Variants in MAP3K3 observed in about 807,000 individuals in gnomAD.
The protein encoded by MAP3K3 is MAP/ERK kinase kinase 3.
Under a neutral mutation model 80.9 loss-of-function variants are expected in MAP3K3, and 12 were observed. The observed-to-expected ratio is 0.15, with a 90% CI of 0.10 to 0.24. The LOEUF is 0.24. Ranked by LOEUF, MAP3K3 falls within the 10% of genes least tolerant of loss-of-function variation. The probability of loss-of-function intolerance (pLI) is 1.00; values close to 1 mark genes in which losing one functional copy is unlikely to be tolerated. For missense variants in MAP3K3, 596 were observed against 834.7 expected (o/e 0.71, Z 3.52); for synonymous variants, 272 against 307.1 (o/e 0.89, Z 1.19).
At chr17:63,662,830 G>A (rs2034921974) in intron 5 of MAP3K3, among the ~76,000 whole-genome samples, 1 of 143,654 alleles carries the variant, frequency 7.0e-6, no homozygotes, top group Non-Finnish European at 1.5e-5. Context: ...GTTAATTTTT[G>A]TATTTTTAGT....
chr17:63,640,628 T>C (rs1178139921), intron 2 of MAP3K3, among the ~76,000 whole-genome samples: 4 of 152,230 alleles, frequency 2.6e-5, no homozygotes, highest in Non-Finnish European at 5.9e-5. Flanking sequence ...ATATTCATAC[T>C]TTTCATTGCA....
Position 63,690,374 on chromosome 17 carries a change from C to A in MAP3K3, c.1174C>A (p.Gln392Lys). Reference protein sequence around the residue: ...VDTGRELASKQVQFDPDSPET... With the variant: ...VDTGRELASKKVQFDPDSPET... ...CACGGGACGTGAACTTGCTTCCAAG[C>A]AGGTCCAATTTGATCCAGACAGTCC... The change falls in exon 12 of 16, where the codon CAG becomes AAG. Residue 392 changes from glutamine to lysine, a missense_variant. Gln to Lys is a moderately conservative substitution (Grantham distance 53). Coordinates refer to ENST00000361733, the MANE Select transcript of MAP3K3 (RefSeq NM_002401.5). The A allele has an allele frequency of 6.2e-7, 1 of 1,614,212 alleles. No individual in the cohort carries two copies. The highest frequency in any genetic ancestry group is 8.5e-7 in the Non-Finnish European group (1 of 1,180,030).
chr17:63,686,014 C>G (rs2035441025), intron 8 of MAP3K3, among the ~76,000 whole-genome samples: 1 of 152,116 alleles, frequency 6.6e-6, no homozygotes, highest in African/African-American at 2.4e-5. Flanking sequence ...AACCCAAAAA[C>G]AGAATATCCA....
At chr17:63,677,958 A>G (rs927761651) in intron 6 of MAP3K3, among the ~76,000 whole-genome samples, 1 of 152,194 alleles carries the variant, frequency 6.6e-6, no homozygotes, top group African/African-American at 2.4e-5. Context: ...TCCATCCTCC[A>G]TAGGGATTAC....
chr17:63,675,388 A>T (rs982688072), intron 6 of MAP3K3, among the ~76,000 whole-genome samples: 4 of 152,192 alleles, frequency 2.6e-5, no homozygotes, highest in African/African-American at 9.7e-5. Context: ...ATTAACACTG[A>T]CCCAAAGCCC....
chr17:63,650,658 T>TAGAGAGAGAGAGAGAGAGAG (rs61412799), intron 3 of MAP3K3, among the ~76,000 whole-genome samples: 97 of 117,272 alleles, frequency 8.3e-4, no homozygotes, highest in African/African-American at 3.2e-3. Context: ...CTGTCTCTTA[T>TAGAGAGAGAGAGAGAGAGAG]AGAGAGAGAG....
intron 4 of MAP3K3, among the ~76,000 whole-genome samples, chr17:63,655,037 A>T (rs1053583251): frequency 2.0e-4 from 30 of 148,548 alleles, no homozygotes; most frequent in African/African-American, 7.1e-4. Context: ...AAAAACGATT[A>T]AAAAAAATTA....
chr17:63,636,904 C>T (rs1568125076), intron 2 of MAP3K3: 1 of 481,232 alleles, frequency 2.1e-6, no homozygotes, highest in Non-Finnish European at 3.9e-6. Context: ...CAATATAGCC[C>T]AATTGGAGGC....
intron 2 of MAP3K3, among the ~76,000 whole-genome samples, chr17:63,641,797 C>G (rs2034448656): frequency 6.6e-6 from 1 of 151,708 alleles, no homozygotes; most frequent in Admixed American, 6.6e-5. Flanking sequence ...AGGAGAAAGC[C>G]AGAAGTCAGA....
intron 1 of MAP3K3, among the ~76,000 whole-genome samples, chr17:63,623,560 T>C (rs2034039481): frequency 6.6e-6 from 1 of 152,252 alleles, no homozygotes; most frequent in African/African-American, 2.4e-5. Flanking sequence ...TTGTCAGTAT[T>C]TACAATTTCT....
chr17:63,637,928 G>GC (rs1353544546), intron 2 of MAP3K3, among the ~76,000 whole-genome samples: 1 of 152,170 alleles, frequency 6.6e-6, no homozygotes, highest in East Asian at 1.9e-4. Flanking sequence ...CACAAGCAGG[G>GC]CAGGGCCTTG....
At chr17:63,633,258 T>G (rs2034255643) in intron 2 of MAP3K3, among the ~76,000 whole-genome samples, 1 of 151,906 alleles carries the variant, frequency 6.6e-6, no homozygotes, top group Admixed American at 6.6e-5. Flanking sequence ...ATATATGCCA[T>G]GCAGTTATGG....
At chr17:63,677,471 C>T (rs1598108247) in intron 6 of MAP3K3, among the ~76,000 whole-genome samples, 1 of 152,116 alleles carries the variant, frequency 6.6e-6, no homozygotes, top group East Asian at 1.9e-4. Context: ...CTTAGGAAAA[C>T]CATCCTTTTT....
At chr17:63,634,888 A>G in intron 2 of MAP3K3, 1 of 1,163,930 alleles carries the variant, frequency 8.6e-7, no homozygotes, top group Admixed American at 1.9e-5. Flanking sequence ...TTCCCAGACA[A>G]GTTGTTTTAG....
At chr17:63,664,881 T>G (rs2034968951) in intron 5 of MAP3K3, among the ~76,000 whole-genome samples, 3 of 152,152 alleles carry the variant, frequency 2.0e-5, no homozygotes, top group Admixed American at 2.0e-4. Flanking sequence ...TGAAGCAACC[T>G]CATTTTTATT....
rs973915393 is a variant in MAP3K3 at position 63,695,923 on chromosome 17, T to A, written c.*2146T>A. The stretch of plus-strand genomic sequence containing the variant: ...AGTTGTTGCTTAATTTATTGTTTTT[T>A]AATAACTAATCCAGATAAAAAGTTG... On this transcript the variant is annotated 3_prime_UTR_variant, in exon 16 of 16. Coordinates refer to ENST00000361733, the MANE Select transcript of MAP3K3 (RefSeq NM_002401.5). The surrounding 1 kb of genome is among the most constrained non-coding windows in gnomAD (Gnocchi z 4.1). The A allele has an allele frequency of 5.2e-5, 8 of 152,640 alleles. No homozygotes were observed. The highest frequency in any genetic ancestry group is 1.9e-4 in the East Asian group (1 of 5,188). 9.5% of individuals were successfully genotyped at this position (152,640 alleles called of 1,614,324 possible). A position where few individuals can be genotyped will look rare whatever the true frequency, so the allele number is the denominator to read the frequency against.
intron 2 of MAP3K3, among the ~76,000 whole-genome samples, chr17:63,638,843 G>T (rs916983611): frequency 6.6e-6 from 1 of 151,794 alleles, no homozygotes; most frequent in Non-Finnish European, 1.5e-5. Flanking sequence ...CCTGGCCAAC[G>T]TGGTGAAACC....
At position 63,691,576 on chromosome 17, in the gene MAP3K3, T is replaced by C. The variant is rs572893114; in HGVS notation, c.1345-157T>C. On this transcript the variant is annotated intron_variant, in intron 13 of 15. Transcript: ENST00000361733. This position sits in a 1 kb window ranked among gnomAD's most constrained non-coding sequence, Gnocchi z 4.8. The stretch of plus-strand genomic sequence containing the variant: ...TTGAGAAGGACTTGGGGTACTCTCT[T>C]TTCCAAACTGCCTGACAGCTCCTGG... Among the ~76,000 whole-genome samples, 11 of 152,264 alleles carry C rather than the reference T, an allele frequency of 7.2e-5. No homozygotes were observed. The highest frequency in any genetic ancestry group is 2.6e-4 in the African/African-American group (11 of 41,542).
chr17:63,671,546 G>A (rs761895955), intron 6 of MAP3K3, among the ~76,000 whole-genome samples: 21 of 151,996 alleles, frequency 1.4e-4, no homozygotes, highest in Admixed American at 5.2e-4. Flanking sequence ...GAGCCACCAC[G>A]CCTGGCCCTC....
Sources: gnomAD v4.1 joint callset for allele counts (sites outside exome capture counted in the v4.1 genomes callset) on GRCh38, gnomAD v4.1.1 for gene constraint, Gnocchi (gnomAD v3.1) non-coding constraint, MANE v1.5 for transcripts, NCBI Gene and HGNC (gene_info 2026-07-23, HGNC 2026-07-21) for gene names.